The following VPS13D variants were observed in gnomAD, a reference collection of about 807,000 sequenced individuals.
VPS13D encodes the protein vacuolar protein sorting 13 homolog D.
VPS13D carries 187 observed loss-of-function variants against 461.9 expected under a neutral mutation model. The ratio of observed to expected loss-of-function variants is 0.40; its 90% CI spans 0.36 to 0.46. The LOEUF (loss-of-function observed/expected upper bound fraction) is 0.46. VPS13D is among the 20% of genes least tolerant of loss of function. The pLI is 0.60. For synonymous variants in VPS13D, 1,951 were observed against 1,986.3 expected (o/e 0.98, Z 0.47); for missense variants, 4,711 against 5,364.9 (o/e 0.88, Z 3.81).
rs775276225 is a variant in VPS13D at position 12,256,428 on chromosome 1, G to C, written c.765G>C (p.Lys255Asn). Residue 255 changes from lysine to asparagine, a missense_variant, in exon 8 of 70, where the codon AAG becomes AAC. By Grantham distance (94) the Lys-to-Asn change is moderately conservative. This residue lies in a region of VPS13D where 4,411 missense variants were observed against 4,937.8 expected (regional missense o/e 0.89). Coordinates refer to ENST00000620676, the MANE Select transcript of VPS13D (RefSeq NM_015378.4). ...SALLKRNCSK[K>N]PLRSRHSPRI... Reference sequence around the variant, plus strand: ...TTTTGAAGAGAAACTGCTCCAAGAAGCCCCTGCGGTCTCGGCACAGTCCCC... The same window carrying C: ...TTTTGAAGAGAAACTGCTCCAAGAACCCCCTGCGGTCTCGGCACAGTCCCC... The C allele has an allele frequency of 3.7e-6, 6 of 1,614,162 alleles. No individual in the cohort carries two copies. The highest frequency in any genetic ancestry group is 5.1e-6 in the Non-Finnish European group (6 of 1,180,024).
intron 55 of VPS13D, 60 bp downstream of exon 55, chr1:12,373,918 G>T: frequency 1.5e-6 from 2 of 1,325,518 alleles, no homozygotes; most frequent in South Asian, 1.2e-5. Flanking sequence ...ACGGGACTCA[G>T]GATCACCCAG....
At chr1:12,392,224 G>C (rs938506272) in intron 60 of VPS13D, among the ~76,000 whole-genome samples, 12 of 152,088 alleles carry the variant, frequency 7.9e-5, no homozygotes, top group African/African-American at 2.9e-4. Flanking sequence ...GGGCCCGGTG[G>C]CTCACACCTG....
intron 30 of VPS13D, 151 bp from the exon 31 acceptor site, chr1:12,317,921 C>T (rs1642933474): frequency 1.5e-6 from 1 of 675,130 alleles, no homozygotes; most frequent in Non-Finnish European, 2.5e-6. Context: ...ATGTGTTATT[C>T]AACCAGTGTT....
At chr1:12,285,177 A>T (rs943520597) in intron 21 of VPS13D, among the ~76,000 whole-genome samples, 41 of 152,318 alleles carry the variant, frequency 2.7e-4, no homozygotes, top group African/African-American at 9.9e-4. Context: ...TCACAGAGAA[A>T]CAGTATAATG....
At chr1:12,373,659 T>G (rs1322918673) in intron 54 of VPS13D, 91 bp from the exon 55 acceptor site, 2 of 745,082 alleles carry the variant, frequency 2.7e-6, no homozygotes, top group Admixed American at 9.5e-5. Flanking sequence ...TTTTGGGCAT[T>G]TGCTTATTAA....
In VPS13D at chr1:12,276,050, T is replaced by G. The variant is rs1400421898; in HGVS notation, c.2462T>G (p.Phe821Cys). ...TKMYERYSLSFMDLQIMVGRV... is the reference protein window; with the variant it reads ...TKMYERYSLSCMDLQIMVGRV... ...ATGTATGAGAGGTACTCGCTGTCATTTATGGACCTCCAGATCATGGTTGGA... is the reference window on the plus strand; with the variant it reads ...ATGTATGAGAGGTACTCGCTGTCATGTATGGACCTCCAGATCATGGTTGGA... Residue 821 changes from phenylalanine (F) to cysteine (C), a missense_variant, in exon 19 of 70, where the codon TTT becomes TGT. Phe to Cys is a radical substitution (Grantham distance 205, BLOSUM62 -2). Coordinates refer to ENST00000620676, the MANE Select transcript of VPS13D (RefSeq NM_015378.4). The surrounding 1 kb of genome is among the most constrained non-coding windows in gnomAD (Gnocchi z 4.5). 6.2e-7 allele frequency: 1 copy of G among 1,613,986 alleles called. No individual in the cohort carries two copies. The highest frequency in any genetic ancestry group is 1.3e-5 in the African/African-American group (1 of 74,882).
At chr1:12,506,224 T>C (rs1646103871) in intron 68 of VPS13D, among the ~76,000 whole-genome samples, 1 of 152,200 alleles carries the variant, frequency 6.6e-6, no homozygotes, top group Non-Finnish European at 1.5e-5. Flanking sequence ...ATGTGTGAGC[T>C]CCATGATAGA....
intron 67 of VPS13D, among the ~76,000 whole-genome samples, chr1:12,487,592 CAGAG>C (rs1645814537): frequency 6.8e-6 from 1 of 147,978 alleles, no homozygotes; most frequent in African/African-American, 2.5e-5. Context: ...GCCTGGGCGA[CAGAG>C]CGAGATTCCA....
intron 6 of VPS13D, among the ~76,000 whole-genome samples, chr1:12,252,366 A>G (rs947187717): frequency 2.6e-5 from 4 of 152,170 alleles, no homozygotes; most frequent in Non-Finnish European, 5.9e-5. Context: ...CCAGTGTTCC[A>G]GTTGTACAGA....
intron 5 of VPS13D, among the ~76,000 whole-genome samples, chr1:12,245,739 AAAT>A (rs1557661160): frequency 6.6e-6 from 1 of 152,170 alleles, no homozygotes; most frequent in African/African-American, 2.4e-5. Flanking sequence ...CTTAAAAAAA[AAAT>A]AATAATTTAA....
intron 65 of VPS13D, among the ~76,000 whole-genome samples, chr1:12,419,239 C>T (rs1030214407): frequency 1.2e-4 from 19 of 152,128 alleles, no homozygotes; most frequent in Admixed American, 9.8e-4. Flanking sequence ...TTCCAGGGAA[C>T]GAGTCCTCTG....
chr1:12,373,095 G>GTTTTTTTTTTTTTTTTTTTTTTTT lies in VPS13D; in HGVS notation c.10809-651_10809-628dup, dbSNP rs571503565. On this transcript the variant is annotated intron_variant, in intron 54 of 69. Coordinates refer to ENST00000620676, the MANE Select transcript of VPS13D (RefSeq NM_015378.4). The stretch of plus-strand genomic sequence containing the variant: ...TTGGTCCCTTGAATTGTCTGGCTTG[G>GTTTTTTTTTTTTTTTTTTTTTTTT]TTTTTTTTTTTTTTTTTTTTTTTTT... Among the ~76,000 whole-genome samples, 5 of 37,236 alleles carry GTTTTTTTTTTTTTTTTTTTTTTTT rather than the reference G, an allele frequency of 1.3e-4. 1 individual carries two copies. Among genetic ancestry groups the GTTTTTTTTTTTTTTTTTTTTTTTT allele is most frequent in the Admixed American group, 3.7e-4 (1 of 2,722 alleles). The allele number at this position is 37,236 out of a possible 152,430, so 24.4% of individuals were successfully genotyped here.
chr1:12,294,980 T>TG (rs572297549), intron 24 of VPS13D, among the ~76,000 whole-genome samples: 2 of 151,898 alleles, frequency 1.3e-5, no homozygotes, highest in Non-Finnish European at 2.9e-5. Flanking sequence ...CCCAGCACTT[T>TG]GGGGGGCGAG....
In VPS13D at chr1:12,415,117, A is replaced by G. The variant is rs1644777494; in HGVS notation, c.12061A>G (p.Ile4021Val). 3 of 1,613,986 alleles carry G rather than the reference A, an allele frequency of 1.9e-6. No individual in the cohort carries two copies. The highest frequency in any genetic ancestry group is 1.7e-6 in the Non-Finnish European group (2 of 1,179,970). ...AAAAAGCACCTTGGGGTTTCCTTTG[A>G]TACGGTTTGAAGACGCTGTGATTAA... ...ALKSTLGFPL[I>V]RFEDAVINLD... Residue 4021 changes from isoleucine to valine, a missense_variant, in exon 64 of 70, where the codon ATA becomes GTA. This residue lies in a region of VPS13D where 4,411 missense variants were observed against 4,937.8 expected (regional missense o/e 0.89). Transcript: ENST00000620676.
At chr1:12,314,815 A>G (rs941964170) in intron 30 of VPS13D, among the ~76,000 whole-genome samples, 7 of 152,256 alleles carry the variant, frequency 4.6e-5, no homozygotes, top group African/African-American at 9.6e-5. Context: ...GCAGTGTTCT[A>G]TATAGAAAGA....
chr1:12,424,004 G>A (rs1183310713), intron 65 of VPS13D, among the ~76,000 whole-genome samples: 1 of 152,160 alleles, frequency 6.6e-6, no homozygotes, highest in African/African-American at 2.4e-5. Flanking sequence ...TTGTCATTAT[G>A]TATGACTGCT....
chr1:12,252,772 CAA>C (rs1194843615), intron 6 of VPS13D, among the ~76,000 whole-genome samples: 9 of 68,198 alleles, frequency 1.3e-4, no homozygotes, highest in Admixed American at 6.6e-4. Context: ...ATTCTGTCTC[CAA>C]AAAAAAAAAA....
At chr1:12,508,179 G>A (rs1236164546) in intron 69 of VPS13D, among the ~76,000 whole-genome samples, 5 of 152,172 alleles carry the variant, frequency 3.3e-5, no homozygotes, top group Admixed American at 6.5e-5. Context: ...GGGCAGCCTC[G>A]CCCACTATAC....
intron 67 of VPS13D, among the ~76,000 whole-genome samples, chr1:12,474,268 A>G (rs1239478046): frequency 6.6e-6 from 1 of 152,200 alleles, no homozygotes; most frequent in Admixed American, 6.5e-5. Flanking sequence ...TTTGATAAAC[A>G]GCTTTAAAAG....
Sources: allele counts gnomAD v4.1 joint callset (sites outside exome capture counted in the v4.1 genomes callset), GRCh38; gene constraint gnomAD v4.1.1; regional missense constraint gnomAD v4.1.1; non-coding constraint Gnocchi (gnomAD v3.1); transcripts MANE v1.5; gene names NCBI Gene and HGNC (gene_info 2026-07-23, HGNC 2026-07-21).